Variants in ADAMTS19 observed in about 807,000 individuals in gnomAD.
The protein encoded by ADAMTS19 is ADAM metallopeptidase with thrombospondin type 1 motif 19.
Under a neutral mutation model 153.3 loss-of-function variants are expected in ADAMTS19, and 93 were observed. The ratio of observed to expected loss-of-function variants is 0.61; its 90% CI spans 0.51 to 0.72. The LOEUF (loss-of-function observed/expected upper bound fraction) is 0.72. Ranked by LOEUF, ADAMTS19 falls within the 30% of genes least tolerant of loss-of-function variation. The pLI is 0.00. For synonymous variants in ADAMTS19, 600 were observed against 556.6 expected (o/e 1.08, Z -1.10); for missense variants, 1,482 against 1,552.1 (o/e 0.95, Z 0.76).
chr5:129,620,824 G>A, intron 9 of ADAMTS19, 66 bp downstream of exon 9: 1 of 1,530,022 alleles, frequency 6.5e-7, no homozygotes, highest in Non-Finnish European at 8.8e-7. Context: ...TTTACAAATA[G>A]AGAAGCCAGT....
chr5:129,480,589 A>C (rs1292158464), intron 2 of ADAMTS19, among the ~76,000 whole-genome samples: 1 of 152,192 alleles, frequency 6.6e-6, no homozygotes, highest in Non-Finnish European at 1.5e-5. Context: ...ATGCTTGAGC[A>C]GTCTGTTCAC....
At chr5:129,573,057 C>A (rs2126867679) in intron 7 of ADAMTS19, among the ~76,000 whole-genome samples, 1 of 152,064 alleles carries the variant, frequency 6.6e-6, no homozygotes, top group South Asian at 2.1e-4. Context: ...TCTATAGGGC[C>A]TACAGGGGAG....
intron 21 of ADAMTS19, among the ~76,000 whole-genome samples, chr5:129,721,640 C>G (rs149666557): frequency 0.013 from 1,942 of 152,098 alleles, 34 homozygotes; most frequent in African/African-American, 0.043. Context: ...GCAGAACATG[C>G]AGGTTTGTTA....
chr5:129,670,563 G>T (rs1754257783), intron 16 of ADAMTS19, among the ~76,000 whole-genome samples: 1 of 152,086 alleles, frequency 6.6e-6, no homozygotes, highest in Admixed American at 6.6e-5. Flanking sequence ...GATAGCATCT[G>T]GGTTCTTAGG....
intron 2 of ADAMTS19, among the ~76,000 whole-genome samples, chr5:129,493,026 A>T (rs1458626716): frequency 6.6e-6 from 1 of 152,136 alleles, no homozygotes; most frequent in Non-Finnish European, 1.5e-5. Flanking sequence ...TAATACTTTT[A>T]TACTGTTGAA....
At chr5:129,547,454 A>G (rs1234402135) in intron 6 of ADAMTS19, among the ~76,000 whole-genome samples, 1 of 150,740 alleles carries the variant, frequency 6.6e-6, no homozygotes, top group African/African-American at 2.5e-5. Context: ...CAGCAGCAAT[A>G]GAGAACAAAT....
intron 8 of ADAMTS19, among the ~76,000 whole-genome samples, chr5:129,616,097 AAGT>A (rs1751510524): frequency 6.6e-6 from 1 of 151,950 alleles, no homozygotes; most frequent in African/African-American, 2.4e-5. Flanking sequence ...TTGCCAGTAA[AAGT>A]AGGTTTCATT....
At chr5:129,535,893 C>A (rs1294754843) in intron 6 of ADAMTS19, among the ~76,000 whole-genome samples, 2 of 152,106 alleles carry the variant, frequency 1.3e-5, no homozygotes, top group African/African-American at 4.8e-5. Context: ...CTTCCTTACA[C>A]CTTATACAAA....
At position 129,619,631 on chromosome 5, in the gene ADAMTS19, G is replaced by A. The variant is rs567608423; in HGVS notation, c.1479-987G>A. On this transcript the variant is annotated intron_variant, in intron 8 of 22. Coordinates refer to ENST00000274487, the MANE Select transcript of ADAMTS19 (RefSeq NM_133638.6). ...TTTTAAATAGATCTCACTGGAGCAG[G>A]GTAGGAGGAGGGGAAGGGAGAATGT... Among the ~76,000 whole-genome samples the A allele has an allele frequency of 2.6e-5, 4 of 152,128 alleles. No individual in the cohort carries two copies. The South Asian group carries it at 8.3e-4, about 32-fold the overall frequency.
At chr5:129,523,975 A>G (rs1751915255) in intron 3 of ADAMTS19, among the ~76,000 whole-genome samples, 1 of 152,140 alleles carries the variant, frequency 6.6e-6, no homozygotes, top group African/African-American at 2.4e-5. Flanking sequence ...TAAATTTCAT[A>G]TGGAACCAAA....
intron 2 of ADAMTS19, among the ~76,000 whole-genome samples, chr5:129,491,562 T>A (rs1386207464): frequency 6.6e-6 from 1 of 152,200 alleles, no homozygotes; most frequent in Non-Finnish European, 1.5e-5. Context: ...ATTAACTTTG[T>A]ATATCAGAAT....
rs1163028805 is a variant in ADAMTS19, at chr5:129,551,915, T to C, written c.1372+8T>C. Reference sequence around the variant, plus strand: ...AACCATGTGATACTGTTGGTAAGTGTGAAAATTCTCACACTTTTGGAGTTC... The same window carrying C: ...AACCATGTGATACTGTTGGTAAGTGCGAAAATTCTCACACTTTTGGAGTTC... On this transcript the variant is annotated splice_region_variant and intron_variant, in intron 7 of 22. Coordinates refer to ENST00000274487, the MANE Select transcript of ADAMTS19 (RefSeq NM_133638.6). 6.4e-7 allele frequency: 1 copy of C among 1,559,514 alleles called. No individual in the cohort carries two copies. The highest frequency in any genetic ancestry group is 8.7e-7 in the Non-Finnish European group (1 of 1,154,174).
At chr5:129,489,960 A>G (rs2126687570) in intron 2 of ADAMTS19, among the ~76,000 whole-genome samples, 1 of 152,344 alleles carries the variant, frequency 6.6e-6, no homozygotes, top group South Asian at 2.1e-4. Context: ...GCATTAAATA[A>G]TTTTCTGAAC....
At chr5:129,665,617 G>C (rs1184163452) in intron 16 of ADAMTS19, 38 bp downstream of exon 16, 4 of 1,499,720 alleles carry the variant, frequency 2.7e-6, no homozygotes, top group East Asian at 4.6e-5. Flanking sequence ...ATCCAAGTAC[G>C]AGCCCAACTC....
chr5:129,699,328 C>G (rs147583655), intron 19 of ADAMTS19, among the ~76,000 whole-genome samples: 5,937 of 149,742 alleles, frequency 0.04, 174 homozygotes, highest in Non-Finnish European at 0.057. Context: ...GAGGCTGAGG[C>G]AGGAGAACAG....
chr5:129,666,864 T>C (rs1449336979), intron 16 of ADAMTS19, among the ~76,000 whole-genome samples: 3 of 152,194 alleles, frequency 2.0e-5, no homozygotes, highest in Non-Finnish European at 4.4e-5. Flanking sequence ...GTTTTCTTTT[T>C]TCCAAGCTGG....
intron 3 of ADAMTS19, among the ~76,000 whole-genome samples, chr5:129,510,856 G>GATATATATATATATATATATAT (rs60233609): frequency 7.1e-6 from 1 of 141,120 alleles, no homozygotes; most frequent in Non-Finnish European, 1.6e-5. Context: ...AAGTTTCTGA[G>GATATATATATATATATATATAT]ATATATATAT....
intron 2 of ADAMTS19, among the ~76,000 whole-genome samples, chr5:129,485,509 A>G (rs998489452): frequency 6.6e-6 from 1 of 152,098 alleles, no homozygotes; most frequent in Non-Finnish European, 1.5e-5. Flanking sequence ...ACCTGGAAAA[A>G]CACTAGAGAA....
intron 14 of ADAMTS19, among the ~76,000 whole-genome samples, chr5:129,658,317 G>GAA (rs1554103305): frequency 2.6e-5 from 1 of 38,432 alleles, no homozygotes; most frequent in South Asian, 1.0e-3. Flanking sequence ...GAAAAAGAAA[G>GAA]AAAGAAAGAA....
Sources: allele counts gnomAD v4.1 joint callset (sites outside exome capture counted in the v4.1 genomes callset), GRCh38; gene constraint gnomAD v4.1.1; transcripts MANE v1.5; gene names NCBI Gene and HGNC (gene_info 2026-07-23, HGNC 2026-07-21).